The following ARID1B variants were observed in gnomAD, a reference collection of about 807,000 sequenced individuals.
The protein encoded by ARID1B is AT-rich interaction domain 1B.
In ARID1B, 30 loss-of-function variants were observed where a neutral mutation model predicts 212.3. The observed-to-expected ratio is 0.14, with a 90% CI of 0.11 to 0.19. The LOEUF is 0.19. Among genes scored for constraint, ARID1B ranks in the 10% least tolerant of loss-of-function variants. The pLI is 1.00. For missense variants in ARID1B, 2,891 were observed against 3,204.0 expected (o/e 0.90, Z 2.36); for synonymous variants, 1,402 against 1,301.7 (o/e 1.08, Z -1.66).
intron 3 of ARID1B, among the ~76,000 whole-genome samples, chr6:156,920,793 G>A (rs1248491782): frequency 6.6e-6 from 1 of 152,024 alleles, no homozygotes; most frequent in African/African-American, 2.4e-5. Flanking sequence ...AGTCGGGCAG[G>A]GAAGGCCCTT....
intron 6 of ARID1B, among the ~76,000 whole-genome samples, chr6:157,111,462 G>C (rs143526776): frequency 2.6e-5 from 4 of 152,220 alleles, no homozygotes; most frequent in Admixed American, 2.6e-4. Context: ...CACAACAAAC[G>C]AGAGAGATAC....
chr6:157,181,117 A>G lies in ARID1B; in HGVS notation c.3653A>G (p.Lys1218Arg), dbSNP rs2128317504. 6.2e-7 allele frequency: 1 copy of G among 1,614,238 alleles called. No individual in the cohort carries two copies. The highest frequency in any genetic ancestry group is 8.5e-7 in the Non-Finnish European group (1 of 1,180,040). The change falls in exon 12 of 20, where the codon AAG (lysine) becomes AGG (arginine). Residue 1218 changes from lysine (K) to arginine (R), a missense_variant. By Grantham distance (26) the Lys-to-Arg change is conservative. Transcript: ENST00000636930. ...SPVSSLPAVG[K>R]KPLDLFRLYV... ...GTCTCAAGTCTGCCTGCCGTGGGCAAGAAGCCCCTGGACCTGTTCCGACTC... is the reference window on the plus strand; with the variant it reads ...GTCTCAAGTCTGCCTGCCGTGGGCAGGAAGCCCCTGGACCTGTTCCGACTC...
At chr6:156,813,052 A>ATG (rs1781698894) in intron 1 of ARID1B, among the ~76,000 whole-genome samples, 2 of 145,898 alleles carry the variant, frequency 1.4e-5, no homozygotes, top group African/African-American at 5.1e-5. Context: ...ACACATACGT[A>ATG]TGTATATACA....
intron 3 of ARID1B, among the ~76,000 whole-genome samples, chr6:156,905,339 G>C (rs1789290945): frequency 6.6e-6 from 1 of 151,420 alleles, no homozygotes; most frequent in African/African-American, 2.4e-5. Context: ...TCCGAAACCT[G>C]CAGTATGGGC....
chr6:156,785,291 G>T lies in ARID1B; in HGVS notation c.1791+5820G>T, dbSNP rs576215827. ...TTCCATTATTAAAATCAGGTAGATGGCAGCAGAATCTGGAGGAGATTCACC... is the reference window on the plus strand; with the variant it reads ...TTCCATTATTAAAATCAGGTAGATGTCAGCAGAATCTGGAGGAGATTCACC... On this transcript the variant is annotated intron_variant, in intron 1 of 19. Transcript: ENST00000636930. Among the ~76,000 whole-genome samples, 11 of 152,274 alleles carry T rather than the reference G, an allele frequency of 7.2e-5. No individual in the cohort carries two copies. The South Asian group carries it at 1.7e-3, about 23-fold the overall frequency.
intron 4 of ARID1B, among the ~76,000 whole-genome samples, chr6:157,056,180 G>T (rs906381357): frequency 1.3e-5 from 2 of 152,136 alleles, no homozygotes; most frequent in African/African-American, 4.8e-5. Context: ...TGTAGGGTCT[G>T]TATACCAGGG....
At chr6:156,801,060 T>C (rs1780747604) in intron 1 of ARID1B, among the ~76,000 whole-genome samples, 1 of 152,180 alleles carries the variant, frequency 6.6e-6, no homozygotes, top group Non-Finnish European at 1.5e-5. Flanking sequence ...GACAGTGTTC[T>C]AGAGACTCTT....
chr6:156,892,057 T>C (rs1470183827), intron 2 of ARID1B, among the ~76,000 whole-genome samples: 3 of 91,112 alleles, frequency 3.3e-5, no homozygotes, highest in Non-Finnish European at 7.9e-5. Flanking sequence ...TTTTTTTTTT[T>C]TTCTTTTTTT....
chr6:157,135,486 C>T (rs1275734839), intron 7 of ARID1B, among the ~76,000 whole-genome samples: 1 of 152,164 alleles, frequency 6.6e-6, no homozygotes, highest in Non-Finnish European at 1.5e-5. Context: ...GAAAGTTGGG[C>T]ACCCCTCCCA....
chr6:156,981,330 G>GTA (rs1777591060), intron 4 of ARID1B, among the ~76,000 whole-genome samples: 1 of 152,160 alleles, frequency 6.6e-6, no homozygotes, highest in African/African-American at 2.4e-5. Flanking sequence ...TTCACATCGA[G>GTA]TATATAGAAT....
chr6:156,957,524 A>G (rs932510229), intron 4 of ARID1B, among the ~76,000 whole-genome samples: 7 of 152,084 alleles, frequency 4.6e-5, no homozygotes, highest in Admixed American at 1.3e-4. Flanking sequence ...TAGGATATGG[A>G]GTGTCCATCA....
intron 5 of ARID1B, among the ~76,000 whole-genome samples, chr6:157,090,756 T>G (rs1785228273): frequency 6.6e-6 from 1 of 152,234 alleles, no homozygotes; most frequent in African/African-American, 2.4e-5. Flanking sequence ...GCATGAGGGA[T>G]GGGTCAGGGT....
intron 4 of ARID1B, among the ~76,000 whole-genome samples, chr6:157,042,383 G>C (rs866401616): frequency 6.6e-6 from 1 of 152,096 alleles, no homozygotes; most frequent in African/African-American, 2.4e-5. Context: ...TGTCTTCCGG[G>C]CTAAATGGAC....
intron 4 of ARID1B, among the ~76,000 whole-genome samples, chr6:156,960,226 G>A (rs1583031338): frequency 6.6e-6 from 1 of 152,188 alleles, no homozygotes; most frequent in South Asian, 2.1e-4. Flanking sequence ...ACCACGCCTG[G>A]CCACTTGTCC....
chr6:157,188,245 A>C (rs1037106210), intron 13 of ARID1B, among the ~76,000 whole-genome samples: 3 of 152,112 alleles, frequency 2.0e-5, no homozygotes, highest in African/African-American at 7.2e-5. Flanking sequence ...TAAAAAAGTC[A>C]GTCTTTGTGG....
intron 7 of ARID1B, among the ~76,000 whole-genome samples, chr6:157,138,959 C>T (rs1407452714): frequency 1.3e-5 from 2 of 152,082 alleles, no homozygotes; most frequent in Non-Finnish European, 2.9e-5. Flanking sequence ...TCTTGTGATG[C>T]CTGAATCTAG....
At chr6:157,080,696 A>G (rs566383494) in intron 4 of ARID1B, among the ~76,000 whole-genome samples, 13 of 152,326 alleles carry the variant, frequency 8.5e-5, no homozygotes, top group African/African-American at 3.1e-4. Flanking sequence ...TTTGGGTGGC[A>G]TTTCATTCTA....
intron 4 of ARID1B, among the ~76,000 whole-genome samples, chr6:157,043,601 T>TTC (rs1024629842): frequency 6.6e-6 from 1 of 152,102 alleles, no homozygotes; most frequent in Admixed American, 6.5e-5. Context: ...TACTGATGAT[T>TTC]AAGAGTTTTA....
At chr6:157,184,163 T>C in intron 12 of ARID1B, 68 bp from the exon 13 acceptor site, 1 of 1,457,154 alleles carries the variant, frequency 6.9e-7, no homozygotes, top group Non-Finnish European at 9.3e-7. Flanking sequence ...TTAAGTGCTT[T>C]TTTTGTCTCC....
Sources: allele counts gnomAD v4.1 joint callset (sites outside exome capture counted in the v4.1 genomes callset), GRCh38; gene constraint gnomAD v4.1.1; transcripts MANE v1.5; gene names NCBI Gene and HGNC (gene_info 2026-07-23, HGNC 2026-07-21).